The following CRMP1 variants were observed in gnomAD, a reference collection of about 807,000 sequenced individuals.
CRMP1 encodes the protein collapsin response mediator protein 1.
CRMP1 carries 19 observed loss-of-function variants against 68.3 expected under a neutral mutation model. The ratio of observed to expected loss-of-function variants is 0.28; its 90% confidence interval spans 0.19 to 0.41. CRMP1 has a LOEUF of 0.41. Among genes scored for constraint, CRMP1 ranks in the 10% least tolerant of loss-of-function variants. The probability of loss-of-function intolerance (pLI) is 1.00; values close to 1 mark genes in which losing one functional copy is unlikely to be tolerated. For synonymous variants in CRMP1, 439 were observed against 399.6 expected (o/e 1.10, Z -1.18); for missense variants, 791 against 967.4 (o/e 0.82, Z 2.42).
In CRMP1 at chr4:5,879,169, CG is replaced by C. The variant is rs77231050; in HGVS notation, c.382-12414del. Among the ~76,000 whole-genome samples the C allele has an allele frequency of 0.18, 26,655 of 152,192 alleles. 2,405 individuals are homozygous for C. The highest frequency in any genetic ancestry group is 0.22 in the Admixed American group (3,310 of 15,294). ...TCCCGGCCTGAGCCCGGCCCTCTCT[CG>C]GCCGCGCCCCACCACATCTATCTAC... On this transcript the variant is annotated intron_variant, in intron 1 of 13. Transcript: ENST00000324989. This position sits in a 1 kb window ranked among gnomAD's most constrained non-coding sequence, Gnocchi z 4.2.
rs78441606 is a variant in CRMP1, at chr4:5,870,826, G to C, written c.382-4070C>G. Among the ~76,000 whole-genome samples the C allele has an allele frequency of 6.6e-6, 1 of 152,312 alleles. No homozygotes were observed. Among genetic ancestry groups the C allele is most frequent in the South Asian group, 2.1e-4 (1 of 4,822 alleles). ...GGCAATCCGGGACCAATGGGAAAAA[G>C]AGGCCCAGGCTCTGCACGTCCAGGA... On this transcript the variant is annotated intron_variant, in intron 1 of 13. Transcript: ENST00000324989. The surrounding 1 kb of genome is among the most constrained non-coding windows in gnomAD (Gnocchi z 6.0).
In CRMP1 at chr4:5,891,491, G is replaced by T. The variant is rs1011881865; in HGVS notation, c.381+1098C>A. Among the ~76,000 whole-genome samples the T allele has an allele frequency of 6.6e-6, 1 of 152,170 alleles. No homozygotes were observed. Among genetic ancestry groups the T allele is most frequent in the Non-Finnish European group, 1.5e-5 (1 of 68,028 alleles). On this transcript the variant is annotated intron_variant, in intron 1 of 13. Transcript: ENST00000324989. The surrounding 1 kb of genome is among the most constrained non-coding windows in gnomAD (Gnocchi z 5.2). ...TAAAAGTCAACAACAAACATTTATT[G>T]AATGCTCACTACCGACCGGCATTAA...
rs60531720 is a variant in CRMP1 at position 5,836,271 on chromosome 4, T to C, written c.1453-186A>G. 6.0e-3 allele frequency among the ~76,000 whole-genome samples: 913 copies of C among 152,286 alleles called. 11 individuals are homozygous for C. Among genetic ancestry groups the C allele is most frequent in the African/African-American group, 0.021 (859 of 41,550 alleles). ...CAGCCTCATCAGAGAGGACATTTAATTAACCGCACAGAGGTATGTTGACGC... is the reference window on the plus strand; with the variant it reads ...CAGCCTCATCAGAGAGGACATTTAACTAACCGCACAGAGGTATGTTGACGC... On this transcript the variant is annotated intron_variant, in intron 10 of 13. Transcript: ENST00000324989.
Position 5,837,500 on chromosome 4 carries a change from C to T in CRMP1, c.1311-594G>A, listed in dbSNP as rs978770210. ...AAAATTAGCCAGGCGTGGTGGTGGGCGCTTGTAATCCCAGCTACTCAGGAG... is the reference window on the plus strand; with the variant it reads ...AAAATTAGCCAGGCGTGGTGGTGGGTGCTTGTAATCCCAGCTACTCAGGAG... On this transcript the variant is annotated intron_variant, in intron 9 of 13. Transcript: ENST00000324989. Among the ~76,000 whole-genome samples, 52 of 148,806 alleles carry T rather than the reference C, an allele frequency of 3.5e-4. 2 individuals are homozygous for T. The highest frequency in any genetic ancestry group is 3.0e-3 in the Admixed American group (45 of 14,946).
At chr4:5,840,402 A>G (rs374832314) in intron 8 of CRMP1, among the ~76,000 whole-genome samples, 118 of 152,314 alleles carry the variant, frequency 7.7e-4, no homozygotes, top group Non-Finnish European at 1.3e-3. Flanking sequence ...ATTAGAGACC[A>G]AGGGCAAGAG....
In CRMP1 at chr4:5,865,487, G is replaced by A. The variant is rs1218866474; in HGVS notation, c.470+1181C>T. Among the ~76,000 whole-genome samples, 4 of 152,056 alleles carry A rather than the reference G, an allele frequency of 2.6e-5. No individual in the cohort carries two copies. The highest frequency in any genetic ancestry group is 4.4e-5 in the Non-Finnish European group (3 of 68,016). ...ATGCAAAAAAGTAGCGGGGCATGGT[G>A]ATGCATGCCTGTAGTCCTAGCTACT... On this transcript the variant is annotated intron_variant, in intron 2 of 13. Coordinates refer to ENST00000324989, the MANE Select transcript of CRMP1 (RefSeq NM_001014809.3). This position sits in a 1 kb window ranked among gnomAD's most constrained non-coding sequence, Gnocchi z 4.1.
At position 5,892,588 on chromosome 4, in the gene CRMP1, C is replaced by T; in HGVS notation, c.381+1G>A. The T allele has an allele frequency of 8.5e-7, 1 of 1,180,670 alleles. No individual in the cohort carries two copies. Among genetic ancestry groups the T allele is most frequent in the Non-Finnish European group, 1.0e-6 (1 of 954,892 alleles). 73.1% of individuals were successfully genotyped at this position (1,180,670 alleles called of 1,614,324 possible). A position where few individuals can be genotyped will look rare whatever the true frequency, so the allele number is the denominator to read the frequency against. ...CTGGCCCGCGCGCGCCCCGAGGGTA[C>T]CTGGCCATTGTCCCGGCCGAGGGGC... is the stretch of plus-strand genomic sequence containing the variant. On this transcript the variant is annotated splice_donor_variant, in intron 1 of 13. Transcript: ENST00000324989. LOFTEE classifies it high-confidence loss of function. This position sits in a 1 kb window ranked among gnomAD's most constrained non-coding sequence, Gnocchi z 8.6.
intron 4 of CRMP1, 80 bp from the exon 5 acceptor site, chr4:5,851,549 G>A: frequency 7.3e-7 from 1 of 1,362,718 alleles, no homozygotes; most frequent in Non-Finnish European, 1.0e-6. Context: ...AATGACCACA[G>A]AGCAGAGTGG....
At chr4:5,822,567 T>G (rs1324855198) in intron 13 of CRMP1, among the ~76,000 whole-genome samples, 1 of 152,102 alleles carries the variant, frequency 6.6e-6, no homozygotes, top group Non-Finnish European at 1.5e-5. Context: ...CTTTTACCTA[T>G]TCTCTTGCAT....
rs1715819753 is a variant in CRMP1, at chr4:5,889,089, C to A, written c.381+3500G>T. The stretch of plus-strand genomic sequence containing the variant: ...CCTGTCCACTCCCCTAGACCCATCT[C>A]CAATGCCTTCCCCACCACGAAGCCT... On this transcript the variant is annotated intron_variant, in intron 1 of 13. Transcript: ENST00000324989. This position sits in a 1 kb window ranked among gnomAD's most constrained non-coding sequence, Gnocchi z 4.5. Among the ~76,000 whole-genome samples the A allele has an allele frequency of 6.6e-6, 1 of 152,168 alleles. No individual in the cohort carries two copies. Among genetic ancestry groups the A allele is most frequent in the Non-Finnish European group, 1.5e-5 (1 of 68,032 alleles).
rs914803928 is a variant in CRMP1, at chr4:5,889,934, G to A, written c.381+2655C>T. On this transcript the variant is annotated intron_variant, in intron 1 of 13. Transcript: ENST00000324989. This position sits in a 1 kb window ranked among gnomAD's most constrained non-coding sequence, Gnocchi z 4.5. ...GCATAATTTTCCCATTTTACAGACA[G>A]GAAATTGAGGCTTACAGAGGTAAAA... 9.8e-5 allele frequency: 134 copies of A among 1,364,906 alleles called. No individual in the cohort carries two copies. The highest frequency in any genetic ancestry group is 1.3e-5 in the Non-Finnish European group (14 of 1,055,970). The allele number at this position is 1,364,906 out of a possible 1,614,324, so 84.5% of individuals were successfully genotyped here. A position where few individuals can be genotyped will look rare whatever the true frequency, so the allele number is the denominator to read the frequency against.
chr4:5,878,855 G>T (rs1212998716), intron 1 of CRMP1, among the ~76,000 whole-genome samples: 1 of 151,704 alleles, frequency 6.6e-6, no homozygotes, highest in East Asian at 1.9e-4. Flanking sequence ...AAAATGCTCA[G>T]TTCCATTTTC....
intron 11 of CRMP1, among the ~76,000 whole-genome samples, chr4:5,830,737 C>CTGA (rs757991735): frequency 2.0e-5 from 3 of 152,202 alleles, no homozygotes; most frequent in Non-Finnish European, 4.4e-5. Context: ...ACTGGGATGA[C>CTGA]TGATACCCCC....
intron 13 of CRMP1, chr4:5,824,370 A>G (rs1442284707): frequency 1.0e-6 from 1 of 985,300 alleles, no homozygotes; most frequent in East Asian, 1.1e-4. Context: ...ATGGAGAGTG[A>G]GATGAATGGG....
At position 5,833,445 on chromosome 4, in the gene CRMP1, C is replaced by G. The variant is rs962728740; in HGVS notation, c.1623+2470G>C. On this transcript the variant is annotated intron_variant, in intron 11 of 13. Transcript: ENST00000324989. ...CCTCCCAAAGTGCTGGGATTACAGG[C>G]GTGAGCCACCGCGCCCGGCCCCAGA... 4.0e-5 allele frequency among the ~76,000 whole-genome samples: 6 copies of G among 151,332 alleles called. 1 individual carries two copies. The highest frequency in any genetic ancestry group is 7.4e-5 in the Non-Finnish European group (5 of 67,860).
rs373508403 is a variant in CRMP1, at chr4:5,861,151, C to T, written c.530G>A (p.Arg177Gln). The T allele has an allele frequency of 1.4e-5, 22 of 1,614,060 alleles. No homozygotes were observed. The African/African-American group carries it at 1.5e-4, about 11-fold the overall frequency. Residue 177 changes from arginine to glutamine, a missense_variant, in exon 3 of 14, where the codon CGG becomes CAG. Physicochemically the swap from Arg to Gln is conservative, Grantham distance 43. Coordinates refer to ENST00000324989, the MANE Select transcript of CRMP1 (RefSeq NM_001014809.3). This position sits in a 1 kb window ranked among gnomAD's most constrained non-coding sequence, Gnocchi z 6.0. ...GGVKTIEANG[R>Q]MVIPGGIDVN... ...ATCAATACCTCCGGGAATAACCATC[C>T]GCCCGTTGGCTTCAATGGTCTTCAC...
At chr4:5,824,649 G>A (rs1282429133) in intron 13 of CRMP1, 1 of 951,100 alleles carries the variant, frequency 1.1e-6, no homozygotes, top group Non-Finnish European at 1.3e-6. Context: ...AATGGCTATT[G>A]AATATAACAT....
At chr4:5,873,527 T>C (rs1183722106) in intron 1 of CRMP1, among the ~76,000 whole-genome samples, 2 of 148,842 alleles carry the variant, frequency 1.3e-5, no homozygotes, top group Non-Finnish European at 3.0e-5. Flanking sequence ...GGGTGGGGGG[T>C]GAGCACCTCA....
chr4:5,871,532 C>A (rs1004272028), intron 1 of CRMP1, among the ~76,000 whole-genome samples: 2 of 151,996 alleles, frequency 1.3e-5, no homozygotes, highest in African/African-American at 4.8e-5. Context: ...TGGTGGCGCA[C>A]GCCTGTGGTC....
Sources: gnomAD v4.1 joint callset for allele counts (sites outside exome capture counted in the v4.1 genomes callset) on GRCh38, gnomAD v4.1.1 for gene constraint, Gnocchi (gnomAD v3.1) non-coding constraint, MANE v1.5 for transcripts, NCBI Gene and HGNC (gene_info 2026-07-23, HGNC 2026-07-21) for gene names.